The following TASOR variants were observed in gnomAD, a reference collection of about 807,000 sequenced individuals.
The protein encoded by TASOR is transcription activation suppressor, also known as protein TASOR.
Under a neutral mutation model 178.6 loss-of-function variants are expected in TASOR, and 53 were observed. The ratio of observed to expected loss-of-function variants is 0.30; its 90% CI spans 0.24 to 0.37. TASOR has a LOEUF of 0.37. Ranked by LOEUF, TASOR falls within the 10% of genes least tolerant of loss-of-function variation. The pLI is 1.00. For missense variants in TASOR, 1,815 were observed against 1,971.4 expected (o/e 0.92, Z 1.50); for synonymous variants, 713 against 696.2 (o/e 1.02, Z -0.38).
intron 11 of TASOR, among the ~76,000 whole-genome samples, chr3:56,651,334 A>G (rs1035324218): frequency 1.3e-5 from 2 of 152,102 alleles, no homozygotes; most frequent in South Asian, 2.1e-4. Context: ...ACTATTTTAA[A>G]TTTCCAGATA....
Position 56,633,218 on chromosome 3 carries a change from T to C in TASOR, c.3573A>G (p.Thr1191=). 1 of 1,614,204 alleles carries C rather than the reference T, an allele frequency of 6.2e-7. No homozygotes were observed. The highest frequency in any genetic ancestry group is 8.5e-7 in the Non-Finnish European group (1 of 1,180,026). Residue 1191 remains threonine, a synonymous_variant, in exon 18 of 24, where the codon ACA becomes ACG. Transcript: ENST00000683822. ...DMAREPVEET[T]KSPSDVNISA... ...AAATGTTTACATCACTGGGGGATTT[T>C]GTTGTTTCTTCTACTGGTTCCCGGG...
Position 56,624,891 on chromosome 3 carries a change from A to G in TASOR, c.4255T>C (p.Leu1419=). Residue 1419 remains leucine, a synonymous_variant, in exon 22 of 24, where the codon TTG becomes CTG. Coordinates refer to ENST00000683822, the MANE Select transcript of TASOR (RefSeq NM_001365635.2). The part of the protein sequence containing the change: ...CDSQTRNAPE[L]DCLIRLQAQN... ...GCCTGAAGTCTGATAAGGCAATCCAATTCTGGAGCATTTCGAGTTTGTGAA... is the reference window on the plus strand; with the variant it reads ...GCCTGAAGTCTGATAAGGCAATCCAGTTCTGGAGCATTTCGAGTTTGTGAA... 6.2e-7 allele frequency: 1 copy of G among 1,614,180 alleles called. No individual in the cohort carries two copies. The highest frequency in any genetic ancestry group is 8.5e-7 in the Non-Finnish European group (1 of 1,180,032).
At position 56,633,034 on chromosome 3, in the gene TASOR, G is replaced by C. The variant is rs571228957; in HGVS notation, c.3747+10C>G. On this transcript the variant is annotated intron_variant, in intron 18 of 23. Transcript: ENST00000683822. ...TGTACAGCATTACTATTACCTTCTG[G>C]TTTAGTTACCTTTATTTCTTTACAG... is the stretch of plus-strand genomic sequence containing the variant. 1.1e-5 allele frequency: 17 copies of C among 1,545,758 alleles called. No individual in the cohort carries two copies. The East Asian group carries it at 1.6e-4, about 14-fold the overall frequency.
At chr3:56,647,764 G>A (rs1278159029) in intron 13 of TASOR, among the ~76,000 whole-genome samples, 1 of 152,132 alleles carries the variant, frequency 6.6e-6, no homozygotes, top group Non-Finnish European at 1.5e-5. Context: ...TCTTAGAAAA[G>A]GTGGTTAACA....
chr3:56,670,290 C>G, intron 3 of TASOR, 145 bp from the exon 4 acceptor site: 1 of 492,252 alleles, frequency 2.0e-6, no homozygotes, highest in Non-Finnish European at 3.6e-6. Context: ...ATATTTGCCA[C>G]TTTATAAATA....
chr3:56,630,303 A>T (rs888467395), intron 18 of TASOR, among the ~76,000 whole-genome samples: 24 of 152,212 alleles, frequency 1.6e-4, no homozygotes, highest in Non-Finnish European at 3.1e-4. Context: ...TCACATAATA[A>T]ATCAGTTTGA....
chr3:56,643,590 G>A (rs771100344), intron 14 of TASOR, among the ~76,000 whole-genome samples: 4 of 151,908 alleles, frequency 2.6e-5, no homozygotes, highest in Non-Finnish European at 4.4e-5. Flanking sequence ...GTGAAACCCC[G>A]TCTCTGCTAA....
In TASOR at chr3:56,683,059, TG is replaced by T. The variant is rs1263300955; in HGVS notation, c.-54del. On this transcript the variant is annotated 5_prime_UTR_variant, in exon 1 of 24. Coordinates refer to ENST00000683822, the MANE Select transcript of TASOR (RefSeq NM_001365635.2). Reference sequence around the variant, plus strand: ...CTTCTGCCCACAAGGTCGACGGGTGTGGGGGGAAGGGGCGGCGGGCCAGTCT... The same window carrying T: ...CTTCTGCCCACAAGGTCGACGGGTGTGGGGGAAGGGGCGGCGGGCCAGTCT... 7.0e-7 allele frequency: 1 copy of T among 1,435,500 alleles called. No homozygotes were observed. Among genetic ancestry groups the T allele is most frequent in the Non-Finnish European group, 9.2e-7 (1 of 1,091,104 alleles). 88.9% of individuals were successfully genotyped at this position (1,435,500 alleles called of 1,614,324 possible).
intron 1 of TASOR, among the ~76,000 whole-genome samples, chr3:56,678,177 A>ATTTTTTTTTTTTTTTTTTTTTTTTTTTTT (rs533306611): frequency 9.3e-6 from 1 of 107,004 alleles, no homozygotes; most frequent in Non-Finnish European, 1.8e-5. Flanking sequence ...CACACTTATG[A>ATTTTTTTTTTTTTTTTTTTTTTTTTTTTT]TTTTTTTTTT....
intron 12 of TASOR, 31 bp from the exon 13 acceptor site, chr3:56,648,924 T>A: frequency 6.2e-7 from 1 of 1,605,306 alleles, no homozygotes; most frequent in Admixed American, 1.7e-5. Flanking sequence ...TCATTAGCAA[T>A]GTGTTTTAAC....
In TASOR at chr3:56,623,069, C is replaced by A; in HGVS notation, c.4981G>T (p.Asp1661Tyr). The A allele has an allele frequency of 6.3e-7, 1 of 1,587,894 alleles. No homozygotes were observed. Among genetic ancestry groups the A allele is most frequent in the Admixed American group, 1.8e-5 (1 of 55,518 alleles). The change falls in exon 24 of 24, where the codon GAT becomes TAT. Residue 1661 changes from aspartate to tyrosine, a missense_variant. Around this residue, in one of 5 missense-constraint regions of TASOR, gnomAD observed 278 missense variants for 257.1 expected, o/e 1.08. Transcript: ENST00000683822. ...SPPPLSWGKS[D>Y]SSRPYSQEK is the part of the protein sequence containing the mutation. ...TCTTGTGAATATGGCCTGGAAGAATCACTTTTCCCCCAACTTAAGGGAGGT... is the reference window on the plus strand; with the variant it reads ...TCTTGTGAATATGGCCTGGAAGAATAACTTTTCCCCCAACTTAAGGGAGGT...
In TASOR at chr3:56,668,492, C is replaced by G; in HGVS notation, c.802G>C (p.Ala268Pro). 6.4e-7 allele frequency: 1 copy of G among 1,551,588 alleles called. No individual in the cohort carries two copies. Among genetic ancestry groups the G allele is most frequent in the Non-Finnish European group, 8.7e-7 (1 of 1,146,906 alleles). Reference protein sequence around the residue: ...KSLESMLNKSALDPTPKHECH... With the variant: ...KSLESMLNKSPLDPTPKHECH... ...TCATGCTTTGGTGTGGGGTCCAAAGCACTCTTATTTAACATAGATTCCAAA... is the reference window on the plus strand; with the variant it reads ...TCATGCTTTGGTGTGGGGTCCAAAGGACTCTTATTTAACATAGATTCCAAA... Residue 268 changes from alanine to proline, a missense_variant, in exon 6 of 24, where the codon GCT (alanine) becomes CCT (proline). Ala to Pro is a conservative substitution (Grantham distance 27). Around this residue, in one of 5 missense-constraint regions of TASOR, gnomAD observed 504 missense variants for 645.3 expected, o/e 0.78. Coordinates refer to ENST00000683822, the MANE Select transcript of TASOR (RefSeq NM_001365635.2).
intron 3 of TASOR, among the ~76,000 whole-genome samples, chr3:56,671,009 C>T (rs1578289799): frequency 6.9e-6 from 1 of 144,098 alleles, no homozygotes. Flanking sequence ...AGAAGATAAT[C>T]TCACATATAA....
rs2077112533 is a variant in TASOR, at chr3:56,641,057, C to A, written c.2619+292G>T. On this transcript the variant is annotated intron_variant, in intron 15 of 23. Coordinates refer to ENST00000683822, the MANE Select transcript of TASOR (RefSeq NM_001365635.2). Reference sequence around the variant, plus strand: ...TCATTATGAAACAATAAGGAATTAACTCCCAATAAGCCATTTCTGACAAAT... The same window carrying A: ...TCATTATGAAACAATAAGGAATTAAATCCCAATAAGCCATTTCTGACAAAT... Among the ~76,000 whole-genome samples the A allele has an allele frequency of 2.0e-5, 3 of 152,186 alleles. 1 individual carries two copies. In the South Asian group the frequency reaches 6.2e-4, roughly 31 times the overall value.
rs779258122 is a variant in TASOR, at chr3:56,641,509, G to A, written c.2459C>T (p.Pro820Leu). ...QKHEYELNST[P>L]DKKDYEQPTC... The stretch of plus-strand genomic sequence containing the variant: ...AGGCTGCTCATAGTCTTTCTTATCT[G>A]GGGTAGAGTTCAACTCATACTCATG... The change falls in exon 15 of 24, where the codon CCA becomes CTA. Residue 820 changes from proline (P) to leucine (L), a missense_variant. This residue lies in a region of TASOR where 655 missense variants were observed against 671.1 expected (regional missense o/e 0.98). Coordinates refer to ENST00000683822, the MANE Select transcript of TASOR (RefSeq NM_001365635.2). 16 of 1,613,846 alleles carry A rather than the reference G, an allele frequency of 9.9e-6. No homozygotes were observed. The East Asian group carries it at 3.6e-4, about 36-fold the overall frequency.
chr3:56,653,262 CAA>C (rs1176419181), intron 11 of TASOR, among the ~76,000 whole-genome samples: 2 of 4,962 alleles, frequency 4.0e-4, no homozygotes, highest in Non-Finnish European at 8.1e-4. Context: ...GACTCCATCT[CAA>C]AAAAAAAAAA....
At chr3:56,656,856 C>T (rs939970425) in intron 11 of TASOR, among the ~76,000 whole-genome samples, 6 of 150,098 alleles carry the variant, frequency 4.0e-5, no homozygotes, top group African/African-American at 1.2e-4. Flanking sequence ...ACTAAAAATA[C>T]ACAATTAACC....
At chr3:56,661,416 A>C (rs1178999798) in intron 9 of TASOR, among the ~76,000 whole-genome samples, 1 of 152,142 alleles carries the variant, frequency 6.6e-6, no homozygotes, top group Admixed American at 6.5e-5. Context: ...TCAGCCTCCC[A>C]AAGTGTTGGG....
chr3:56,640,995 A>C (rs1276031630), intron 15 of TASOR, among the ~76,000 whole-genome samples: 3 of 152,196 alleles, frequency 2.0e-5, no homozygotes, highest in African/African-American at 7.2e-5. Flanking sequence ...GTTCTCTGTT[A>C]CTGCCGACAG....
Sources: gnomAD v4.1 joint callset for allele counts (sites outside exome capture counted in the v4.1 genomes callset) on GRCh38, gnomAD v4.1.1 for gene constraint, gnomAD v4.1.1 regional missense constraint, MANE v1.5 for transcripts, NCBI Gene and HGNC (gene_info 2026-07-23, HGNC 2026-07-21) for gene names.